PDE10A: variants seen among roughly 807,000 people sequenced by gnomAD.
PDE10A encodes cAMP and cAMP-inhibited cGMP 3',5'-cyclic phosphodiesterase 10A.
Under a neutral mutation model 97.7 loss-of-function variants are expected in PDE10A, and 39 were observed. The observed-to-expected ratio is 0.40, with a 90% CI of 0.31 to 0.52. PDE10A has a LOEUF of 0.52. Among genes scored for constraint, PDE10A ranks in the 20% least tolerant of loss-of-function variants. The pLI is 0.56. For missense variants in PDE10A, 731 were observed against 1,047.8 expected, an observed-to-expected ratio of 0.70 and a Z score of 4.17; for synonymous variants, 371 against 376.8, an observed-to-expected ratio of 0.98 and a Z score of 0.18.
rs373415024 is a variant in PDE10A, at chr6:165,562,923, G to A, written c.866-19355C>T. On this transcript the variant is annotated intron_variant, in intron 1 of 21. Coordinates refer to ENST00000539869, the MANE Select transcript of PDE10A (RefSeq NM_001385079.1). ...AGTGACATCTAGTGCGTAGAAGCCGGCGAGGTTGCCTAACATCCTATGGTG... is the reference window on the plus strand; with the variant it reads ...AGTGACATCTAGTGCGTAGAAGCCGACGAGGTTGCCTAACATCCTATGGTG... 7.2e-5 allele frequency among the ~76,000 whole-genome samples: 11 copies of A among 152,178 alleles called. No individual in the cohort carries two copies. The East Asian group carries it at 2.1e-3, about 29-fold the overall frequency.
intron 16 of PDE10A, 43 bp downstream of exon 16, chr6:165,392,603 C>T (rs2128215800): frequency 1.3e-6 from 2 of 1,571,318 alleles, no homozygotes; most frequent in East Asian, 2.3e-5. Context: ...AGTATTAAAT[C>T]CACTGAGGTT....
At chr6:165,743,222 C>T (rs1421477946) in intron 1 of PDE10A, among the ~76,000 whole-genome samples, 1 of 152,172 alleles carries the variant, frequency 6.6e-6, no homozygotes, top group Non-Finnish European at 1.5e-5. Context: ...CCCAGATATG[C>T]CACTTTTTAA....
chr6:165,812,091 A>T (rs890131004), intron 1 of PDE10A, among the ~76,000 whole-genome samples: 7 of 152,098 alleles, frequency 4.6e-5, no homozygotes, highest in Admixed American at 4.6e-4. Context: ...TGACCTCATG[A>T]TCTGCCCACC....
chr6:165,536,262 G>A (rs182980177), intron 2 of PDE10A, among the ~76,000 whole-genome samples: 1 of 152,106 alleles, frequency 6.6e-6, no homozygotes, highest in African/African-American at 2.4e-5. Context: ...ATATTCATAT[G>A]CAGAAGAATG....
chr6:165,564,877 A>T (rs1401665524), intron 1 of PDE10A, among the ~76,000 whole-genome samples: 1 of 152,222 alleles, frequency 6.6e-6, no homozygotes, highest in Non-Finnish European at 1.5e-5. Flanking sequence ...GAAGTGGAGC[A>T]AGAGAGTAAG....
Position 165,661,623 on chromosome 6 carries a change from T to G in PDE10A, c.865+324A>C, listed in dbSNP as rs1017434530. On this transcript the variant is annotated intron_variant, in intron 1 of 21. Coordinates refer to ENST00000539869, the MANE Select transcript of PDE10A (RefSeq NM_001385079.1). The surrounding 1 kb of genome is among the most constrained non-coding windows in gnomAD (Gnocchi z 4.8). ...AGTATAAATACGCGCCGGACAAGTGTGGCCAGAAACGGCACGAGGGGCGGA... is the reference window on the plus strand; with the variant it reads ...AGTATAAATACGCGCCGGACAAGTGGGGCCAGAAACGGCACGAGGGGCGGA... 1 of 333,278 alleles carries G rather than the reference T, an allele frequency of 3.0e-6. No homozygotes were observed. Among genetic ancestry groups the G allele is most frequent in the Non-Finnish European group, 5.4e-6 (1 of 184,924 alleles). 20.6% of individuals were successfully genotyped at this position (333,278 alleles called of 1,614,324 possible). A position where few individuals can be genotyped will look rare whatever the true frequency, so the allele number is the denominator to read the frequency against.
intron 2 of PDE10A, among the ~76,000 whole-genome samples, chr6:165,513,193 T>C (rs1781599119): frequency 6.6e-6 from 1 of 152,038 alleles, no homozygotes; most frequent in Non-Finnish European, 1.5e-5. Flanking sequence ...AGGCATATGA[T>C]TCATATTAAA....
chr6:165,519,731 C>G (rs1021620310), intron 2 of PDE10A, among the ~76,000 whole-genome samples: 10 of 152,126 alleles, frequency 6.6e-5, no homozygotes, highest in Admixed American at 1.3e-4. Context: ...CTGAAAACTC[C>G]TGAGGTGCCT....
intron 1 of PDE10A, among the ~76,000 whole-genome samples, chr6:165,648,023 CTTTTTTT>C (rs969746663): frequency 1.3e-5 from 2 of 151,748 alleles, no homozygotes; most frequent in African/African-American, 4.8e-5. Flanking sequence ...TTTCTTTTTT[CTTTTTTT>C]TGAGACGGAG....
rs1404956825 is a variant in PDE10A, at chr6:165,330,374, T to A, written c.*2651A>T. 4 of 152,170 alleles carry A rather than the reference T, an allele frequency of 2.6e-5. No homozygotes were observed. The highest frequency in any genetic ancestry group is 9.6e-5 in the African/African-American group (4 of 41,456). 9.4% of individuals were successfully genotyped at this position (152,170 alleles called of 1,614,324 possible). ...AAACATGACCCGAAAGTCTGTCTCC[T>A]AAACATCTGACAAAATACAAAAATA... On this transcript the variant is annotated 3_prime_UTR_variant, in exon 22 of 22. Transcript: ENST00000539869.
chr6:165,677,901 T>C (rs1790845899), intron 1 of PDE10A, among the ~76,000 whole-genome samples: 1 of 152,084 alleles, frequency 6.6e-6, no homozygotes, highest in Non-Finnish European at 1.5e-5. Flanking sequence ...TGGGTATATA[T>C]GTGTATTTGT....
intron 1 of PDE10A, among the ~76,000 whole-genome samples, chr6:165,808,010 G>A (rs1218632459): frequency 6.6e-6 from 1 of 152,162 alleles, no homozygotes. Flanking sequence ...GAATCCCTTT[G>A]GGAAGCCTTT....
intron 2 of PDE10A, among the ~76,000 whole-genome samples, chr6:165,532,320 G>C (rs1056527955): frequency 2.0e-5 from 3 of 151,150 alleles, no homozygotes; most frequent in African/African-American, 7.3e-5. Flanking sequence ...TCTATTGCTA[G>C]ATAAGCGCAT....
chr6:165,824,785 A>G (rs1779678774), intron 1 of PDE10A, among the ~76,000 whole-genome samples: 2 of 152,010 alleles, frequency 1.3e-5, no homozygotes, highest in Non-Finnish European at 2.9e-5. Flanking sequence ...AAGCATTTTA[A>G]TTTCCTTCTC....
In PDE10A at chr6:165,459,009, C is replaced by T. The variant is rs533598260; in HGVS notation, c.1024-8647G>A. Among the ~76,000 whole-genome samples the T allele has an allele frequency of 4.1e-3, 616 of 148,880 alleles. 5 individuals carry two copies. The Middle Eastern group carries it at 0.068, about 17-fold the overall frequency. On this transcript the variant is annotated intron_variant, in intron 3 of 21. Coordinates refer to ENST00000539869, the MANE Select transcript of PDE10A (RefSeq NM_001385079.1). ...GCATCTTTCAACGTACAACAGTTCC[C>T]TCAGCCCGTCTTGTGTTTCCTGAAC...
intron 16 of PDE10A, 52 bp downstream of exon 16, chr6:165,392,594 G>A (rs1785806274): frequency 7.1e-6 from 11 of 1,541,048 alleles, no homozygotes; most frequent in Non-Finnish European, 9.0e-6. Context: ...CTGACACACA[G>A]TATTAAATCC....
chr6:165,536,241 G>A (rs570094304), intron 2 of PDE10A, among the ~76,000 whole-genome samples: 92 of 151,990 alleles, frequency 6.1e-4, no homozygotes, highest in Middle Eastern at 3.4e-3. Context: ...TTCTGGTGCT[G>A]GGAAAACTGG....
At chr6:165,975,161 T>C (rs1003933323) in intron 1 of PDE10A, among the ~76,000 whole-genome samples, 1 of 152,200 alleles carries the variant, frequency 6.6e-6, no homozygotes, top group African/African-American at 2.4e-5. Flanking sequence ...TTCACTTAAG[T>C]TTATTCTCTT....
chr6:165,552,612 G>A (rs1307454414), intron 1 of PDE10A, among the ~76,000 whole-genome samples: 2 of 152,128 alleles, frequency 1.3e-5, no homozygotes, highest in Non-Finnish European at 2.9e-5. Context: ...ACTGTTAGAC[G>A]TCACTGCTGG....
Sources: gnomAD v4.1 joint callset for allele counts (sites outside exome capture counted in the v4.1 genomes callset) on GRCh38, gnomAD v4.1.1 for gene constraint, Gnocchi (gnomAD v3.1) non-coding constraint, MANE v1.5 for transcripts, NCBI Gene and HGNC (gene_info 2026-07-23, HGNC 2026-07-21) for gene names.